The following PRKDC variants were observed in gnomAD, a reference collection of about 807,000 sequenced individuals.
PRKDC encodes the protein DNA-dependent protein kinase catalytic subunit.
Under a neutral mutation model 486.9 loss-of-function variants are expected in PRKDC, and 82 were observed. The observed-to-expected ratio is 0.17, with a 90% CI of 0.14 to 0.20. PRKDC has a LOEUF of 0.20. PRKDC is among the 10% of genes least tolerant of loss of function. The pLI, the probability that PRKDC is intolerant of heterozygous loss-of-function variation, is 1.00. For synonymous variants in PRKDC, 1,895 were observed against 1,837.0 expected (o/e 1.03, Z -0.81); for missense variants, 4,504 against 5,038.2 (o/e 0.89, Z 3.21).
chr8:47,906,119 G>A (rs1027909270), intron 25 of PRKDC, among the ~76,000 whole-genome samples: 8 of 152,258 alleles, frequency 5.3e-5, no homozygotes, highest in Non-Finnish European at 1.0e-4. Context: ...AGGCCAAGTC[G>A]GGAGGGTCTT....
intron 80 of PRKDC, chr8:47,779,318 T>C: frequency 2.4e-6 from 1 of 411,564 alleles, no homozygotes; most frequent in Non-Finnish European, 4.3e-6. Flanking sequence ...TCCAAGCTAT[T>C]GCCTATGAAA....
chr8:47,776,818 GT>G (rs765054749), intron 85 of PRKDC, 25 bp downstream of exon 85: 1 of 1,612,972 alleles, frequency 6.2e-7, no homozygotes, highest in South Asian at 1.1e-5. Flanking sequence ...TAGTCCGTTA[GT>G]TTTTTCCACA....
In PRKDC at chr8:47,859,676, C is replaced by T. The variant is rs2088628854; in HGVS notation, c.6142G>A (p.Gly2048Arg). 2.5e-6 allele frequency: 4 copies of T among 1,613,888 alleles called. No individual in the cohort carries two copies. The highest frequency in any genetic ancestry group is 1.1e-5 in the South Asian group (1 of 91,082). The change falls in exon 46 of 86, where the codon GGA (glycine) becomes AGA (arginine). Residue 2048 changes from glycine to arginine, a missense_variant. Physicochemically the swap from Gly to Arg is moderately radical, Grantham distance 125. Around this residue, in one of 6 missense-constraint regions of PRKDC, gnomAD observed 1,592 missense variants for 1,724.6 expected, o/e 0.92. Transcript: ENST00000314191. ...GAGCTGTATGAATAGCTCTGAACTC[C>T]GGTTGAGAAATCAAATTGACTCATT... ...EEMSQFDFST[G>R]VQSYSYSSQD...
chr8:47,775,265 G>C (rs927178094), intron 85 of PRKDC, among the ~76,000 whole-genome samples: 1 of 151,616 alleles, frequency 6.6e-6, no homozygotes, highest in Non-Finnish European at 1.5e-5. Context: ...ATCTCACTTG[G>C]ATTTCCCTGA....
chr8:47,862,047 GA>G lies in PRKDC; in HGVS notation c.5985+14del. The G allele has an allele frequency of 6.5e-7, 1 of 1,533,504 alleles. No homozygotes were observed. The allele number at this position is 1,533,504 out of a possible 1,614,324, so 95.0% of individuals were successfully genotyped here. On this transcript the variant is annotated intron_variant, in intron 44 of 85. Transcript: ENST00000314191. ...CACTTGATAAGTTTTTTTTAACATT[GA>G]AAATTTCACTCACCTCAACTTCTAC...
At chr8:47,838,940 A>C (rs767231894) in intron 56 of PRKDC, among the ~76,000 whole-genome samples, 2 of 152,216 alleles carry the variant, frequency 1.3e-5, no homozygotes, top group Non-Finnish European at 2.9e-5. Flanking sequence ...CTTTTTCAAG[A>C]GTGTTATTTT....
Position 47,778,142 on chromosome 8 carries a change from C to T in PRKDC, c.11854-268G>A, listed in dbSNP as rs183117073. Among the ~76,000 whole-genome samples the T allele has an allele frequency of 8.5e-5, 13 of 152,250 alleles. No homozygotes were observed. The East Asian group carries it at 1.9e-3, about 23-fold the overall frequency. ...TGATCCAAAACATTCAGAGGTTAAC[C>T]AGAGAAAAGATCTGTATCACATTTT... On this transcript the variant is annotated intron_variant, in intron 83 of 85. Transcript: ENST00000314191.
At chr8:47,864,470 C>T in intron 41 of PRKDC, 86 bp downstream of exon 41, 1 of 1,212,666 alleles carries the variant, frequency 8.2e-7, no homozygotes, top group Non-Finnish European at 1.2e-6. Context: ...ACAGCAGAGG[C>T]CATGTGACTG....
chr8:47,826,377 C>A (rs966125561), intron 63 of PRKDC, among the ~76,000 whole-genome samples: 1 of 152,154 alleles, frequency 6.6e-6, no homozygotes, highest in Non-Finnish European at 1.5e-5. Context: ...TTACAAGAAA[C>A]TAAACTTGGT....
At chr8:47,825,303 G>C (rs927989235) in intron 63 of PRKDC, among the ~76,000 whole-genome samples, 1 of 152,008 alleles carries the variant, frequency 6.6e-6, no homozygotes, top group African/African-American at 2.4e-5. Context: ...TGGGAGGCCG[G>C]GGCGGGCGGA....
chr8:47,831,671 C>G lies in PRKDC; in HGVS notation c.8265+143G>C, dbSNP rs1339975779. 8.6e-6 allele frequency: 7 copies of G among 811,798 alleles called. No individual in the cohort carries two copies. In the East Asian group the frequency reaches 1.8e-4, roughly 21 times the overall value. 50.3% of individuals were successfully genotyped at this position (811,798 alleles called of 1,614,324 possible). A position where few individuals can be genotyped will look rare whatever the true frequency, so the allele number is the denominator to read the frequency against. ...AGGGCTGCATCCCTGTGGGGGAGCC[C>G]CAGGAGGCTGGTTTGGAGCAGTCCC... On this transcript the variant is annotated intron_variant, in intron 60 of 85. Transcript: ENST00000314191.
chr8:47,830,235 T>C (rs2087831742), intron 61 of PRKDC, among the ~76,000 whole-genome samples: 1 of 152,222 alleles, frequency 6.6e-6, no homozygotes, highest in Non-Finnish European at 1.5e-5. Flanking sequence ...ACCTGCTGTT[T>C]TTATGTAACA....
rs141234003 is a variant in PRKDC at position 47,825,631 on chromosome 8, G to A, written c.8783+1025C>T. The stretch of plus-strand genomic sequence containing the variant: ...GTTAGAAAAAAATGTTTAAAGTTTA[G>A]GCCCTTAAAAGTTGTTTGCTTCACT... On this transcript the variant is annotated intron_variant, in intron 63 of 85. Transcript: ENST00000314191. Among the ~76,000 whole-genome samples the A allele has an allele frequency of 1.1e-3, 172 of 151,260 alleles. 1 individual carries two copies. The highest frequency in any genetic ancestry group is 3.8e-3 in the African/African-American group (156 of 41,154).
At position 47,782,292 on chromosome 8, in the gene PRKDC, ACTGCT is replaced by A. The variant is rs2086710468; in HGVS notation, c.11397-43_11397-39del. 6.2e-7 allele frequency: 1 copy of A among 1,611,118 alleles called. No homozygotes were observed. The highest frequency in any genetic ancestry group is 1.7e-5 in the Admixed American group (1 of 59,984). ...ATAAAAGGTTAACGAGTAAACCCAA[ACTGCT>A]CTTTCTTCACTAGAAAAACAGTCCC... On this transcript the variant is annotated intron_variant, in intron 79 of 85. Transcript: ENST00000314191. The surrounding 1 kb of genome is among the most constrained non-coding windows in gnomAD (Gnocchi z 4.9).
chr8:47,928,031 A>G lies in PRKDC; in HGVS notation c.2140-141T>C, dbSNP rs1017722503. On this transcript the variant is annotated intron_variant, in intron 19 of 85. Coordinates refer to ENST00000314191, the MANE Select transcript of PRKDC (RefSeq NM_006904.7). ...ATGACCACATTCACTTACAAATTAC[A>G]CACTAACCTCCAGGAAAGTTAATTT... is the stretch of plus-strand genomic sequence containing the variant. 28 of 691,196 alleles carry G rather than the reference A, an allele frequency of 4.1e-5. No homozygotes were observed. In the Admixed American group the frequency reaches 9.7e-4, roughly 24 times the overall value. 42.8% of individuals were successfully genotyped at this position (691,196 alleles called of 1,614,324 possible).
rs544730211 is a variant in PRKDC at position 47,889,116 on chromosome 8, G to T, written c.4178C>A (p.Ala1393Asp). 1.1e-5 allele frequency: 17 copies of T among 1,613,980 alleles called. No homozygotes were observed. In the Admixed American group the frequency reaches 2.3e-4, roughly 22 times the overall value. The change falls in exon 33 of 86, where the codon GCT becomes GAT. Residue 1393 changes from alanine to aspartate, a missense_variant. Coordinates refer to ENST00000314191, the MANE Select transcript of PRKDC (RefSeq NM_006904.7). ...GFNIGDVQVM[A>D]HLPDVCVNLM... ...ATTCACACAAACATCAGGAAGATGA[G>T]CCATAACCTGGACGTCTCCGATGTT... is the stretch of plus-strand genomic sequence containing the variant.
At chr8:47,935,972 A>C in intron 12 of PRKDC, 72 bp from the exon 13 acceptor site, 1 of 1,383,138 alleles carries the variant, frequency 7.2e-7, no homozygotes, top group Non-Finnish European at 9.9e-7. Flanking sequence ...ACAAATATTC[A>C]AAGTAATTAC....
At chr8:47,778,826 A>T in intron 81 of PRKDC, 27 bp from the exon 82 acceptor site, 1 of 1,585,448 alleles carries the variant, frequency 6.3e-7, no homozygotes, top group Non-Finnish European at 8.6e-7. Flanking sequence ...GAAACATCTA[A>T]TTAGAAAAAA....
At chr8:47,870,346 A>AC (rs2088922195) in intron 40 of PRKDC, among the ~76,000 whole-genome samples, 1 of 152,182 alleles carries the variant, frequency 6.6e-6, no homozygotes, top group African/African-American at 2.4e-5. Flanking sequence ...GCACAGACAG[A>AC]GAGACTCCAT....
Sources: allele counts gnomAD v4.1 joint callset (sites outside exome capture counted in the v4.1 genomes callset), GRCh38; gene constraint gnomAD v4.1.1; regional missense constraint gnomAD v4.1.1; non-coding constraint Gnocchi (gnomAD v3.1); transcripts MANE v1.5; gene names NCBI Gene and HGNC (gene_info 2026-07-23, HGNC 2026-07-21).